Variants in NEDD4L observed in about 807,000 individuals in gnomAD.
NEDD4L encodes the protein NEDD4 like E3 ubiquitin protein ligase, also known as E3 ubiquitin-protein ligase NEDD4-like.
NEDD4L carries 54 observed loss-of-function variants against 148.9 expected under a neutral mutation model. The ratio of observed to expected loss-of-function variants is 0.36; its 90% CI spans 0.29 to 0.45. The LOEUF (loss-of-function observed/expected upper bound fraction) is 0.45. NEDD4L is among the 20% of genes least tolerant of loss of function. The pLI, the probability that NEDD4L is intolerant of heterozygous loss-of-function variation, is 1.00. For synonymous variants in NEDD4L, 433 were observed against 440.7 expected (o/e 0.98, Z 0.22); for missense variants, 856 against 1,233.8 (o/e 0.69, Z 4.59).
At chr18:58,311,063 A>G (rs746022966) in intron 5 of NEDD4L, among the ~76,000 whole-genome samples, 20 of 152,024 alleles carry the variant, frequency 1.3e-4, no homozygotes, top group Non-Finnish European at 2.6e-4. Context: ...ATGGAACCCC[A>G]GACAGTTGGT....
chr18:58,159,203 C>A (rs139536478), intron 1 of NEDD4L, among the ~76,000 whole-genome samples: 1 of 151,416 alleles, frequency 6.6e-6, no homozygotes, highest in Non-Finnish European at 1.5e-5. Context: ...GGGGTGGGGA[C>A]GCAATAGGAC....
At chr18:58,313,403 A>T (rs1238994115) in intron 5 of NEDD4L, among the ~76,000 whole-genome samples, 1 of 152,224 alleles carries the variant, frequency 6.6e-6, no homozygotes, top group African/African-American at 2.4e-5. Flanking sequence ...TAGTGTAAAG[A>T]TAACATAGCA....
intron 2 of NEDD4L, among the ~76,000 whole-genome samples, chr18:58,187,537 A>T (rs1456379228): frequency 6.6e-6 from 1 of 152,242 alleles, no homozygotes; most frequent in Non-Finnish European, 1.5e-5. Flanking sequence ...GCTTCACTAC[A>T]TATAAACCTT....
chr18:58,155,283 C>T (rs1438876047), intron 1 of NEDD4L, among the ~76,000 whole-genome samples: 5 of 133,624 alleles, frequency 3.7e-5, no homozygotes, highest in African/African-American at 1.4e-4. Flanking sequence ...AAAAAAAAAG[C>T]GAGACAATTT....
At chr18:58,058,497 T>C (rs1226125966) in intron 1 of NEDD4L, among the ~76,000 whole-genome samples, 1 of 152,216 alleles carries the variant, frequency 6.6e-6, no homozygotes, top group Non-Finnish European at 1.5e-5. Flanking sequence ...CATTCCAGTT[T>C]CTTGTAGCGC....
rs112164289 is a variant in NEDD4L at position 58,170,016 on chromosome 18, C to T, written c.122+4155C>T. Among the ~76,000 whole-genome samples, 956 of 152,266 alleles carry T rather than the reference C, an allele frequency of 6.3e-3. 14 individuals are homozygous for T. Among genetic ancestry groups the T allele is most frequent in the African/African-American group, 0.022 (898 of 41,536 alleles). On this transcript the variant is annotated intron_variant, in intron 2 of 30. Coordinates refer to ENST00000400345, the MANE Select transcript of NEDD4L (RefSeq NM_001144967.3). ...TTTATTTATTTATTTTTATTTTCCA[C>T]GACCTATTATAGCACATAGCACCTA...
intron 17 of NEDD4L, among the ~76,000 whole-genome samples, chr18:58,350,078 ACGGCT>A (rs2043677079): frequency 1.3e-5 from 2 of 152,136 alleles, no homozygotes; most frequent in Non-Finnish European, 2.9e-5. Flanking sequence ...CTTGTTGGTG[ACGGCT>A]CAGTAGGAGT....
chr18:58,061,077 A>G (rs866159079), intron 1 of NEDD4L, among the ~76,000 whole-genome samples: 4 of 152,114 alleles, frequency 2.6e-5, no homozygotes, highest in South Asian at 2.1e-4. Context: ...GACATTTTTG[A>G]TTGTCACAGC....
chr18:58,294,003 A>G (rs1025227118), intron 5 of NEDD4L, among the ~76,000 whole-genome samples: 8 of 152,246 alleles, frequency 5.3e-5, no homozygotes, highest in African/African-American at 1.4e-4. Flanking sequence ...GATTACAGTC[A>G]TGAACCACCA....
At chr18:58,056,259 C>T (rs4358024) in intron 1 of NEDD4L, among the ~76,000 whole-genome samples, 22,643 of 152,214 alleles carry the variant, frequency 0.15, 2,074 homozygotes, top group East Asian at 0.34. Flanking sequence ...CTCCTCCACT[C>T]CTCTCACCCC....
intron 1 of NEDD4L, among the ~76,000 whole-genome samples, chr18:58,108,153 T>A (rs960314946): frequency 6.6e-6 from 1 of 152,228 alleles, no homozygotes; most frequent in South Asian, 2.1e-4. Flanking sequence ...GACTGCGTGA[T>A]AAACGTTAGC....
At chr18:58,087,598 G>A (rs1218364683) in intron 1 of NEDD4L, among the ~76,000 whole-genome samples, 2 of 152,206 alleles carry the variant, frequency 1.3e-5, no homozygotes, top group African/African-American at 2.4e-5. Flanking sequence ...TTACTGGCCA[G>A]GCACAGTGGC....
At chr18:58,147,387 C>T (rs745576792) in intron 1 of NEDD4L, among the ~76,000 whole-genome samples, 2 of 152,126 alleles carry the variant, frequency 1.3e-5, no homozygotes, top group Non-Finnish European at 2.9e-5. Context: ...AAACTCTCCA[C>T]GTTGCCACAT....
intron 2 of NEDD4L, among the ~76,000 whole-genome samples, chr18:58,202,098 T>C (rs562347593): frequency 1.3e-5 from 2 of 152,324 alleles, no homozygotes; most frequent in Non-Finnish European, 2.9e-5. Context: ...AACCTTTTAT[T>C]CTCTAAAGCT....
chr18:58,361,373 C>T (rs2045452359), intron 19 of NEDD4L, among the ~76,000 whole-genome samples: 2 of 152,196 alleles, frequency 1.3e-5, no homozygotes, highest in Admixed American at 6.5e-5. Context: ...CTAGTAATAG[C>T]ATTTAGTAAG....
chr18:58,244,023 C>A (rs2046955848), intron 2 of NEDD4L, among the ~76,000 whole-genome samples: 1 of 152,084 alleles, frequency 6.6e-6, no homozygotes, highest in Non-Finnish European at 1.5e-5. Context: ...TTGAGTATAG[C>A]CTTGTTACTA....
At chr18:58,231,386 T>C (rs1439756606) in intron 2 of NEDD4L, among the ~76,000 whole-genome samples, 2 of 149,314 alleles carry the variant, frequency 1.3e-5, no homozygotes, top group South Asian at 2.1e-4. Context: ...TCCTGGGGAG[T>C]TGAGGGAAAG....
chr18:58,350,925 C>T, intron 17 of NEDD4L, 66 bp from the exon 18 acceptor site: 6 of 1,269,074 alleles, frequency 4.7e-6, no homozygotes. Context: ...TTAAATGTTG[C>T]CTTTGATTTC....
At chr18:58,358,672 TTTA>T (rs1451912248) in intron 19 of NEDD4L, among the ~76,000 whole-genome samples, 3 of 152,136 alleles carry the variant, frequency 2.0e-5, no homozygotes, top group Non-Finnish European at 4.4e-5. Flanking sequence ...TTCCTTCATT[TTTA>T]TTATTATTAT....
Sources: gnomAD v4.1 joint callset for allele counts (sites outside exome capture counted in the v4.1 genomes callset) on GRCh38, gnomAD v4.1.1 for gene constraint, MANE v1.5 for transcripts, NCBI Gene and HGNC (gene_info 2026-07-23, HGNC 2026-07-21) for gene names.